The following DNAJC11 variants were observed in gnomAD, a reference collection of about 807,000 sequenced individuals.
DNAJC11 encodes the protein DnaJ heat shock protein family (Hsp40) member C11, also known as dnaJ homolog subfamily C member 11.
DNAJC11 carries 15 observed loss-of-function variants against 78.6 expected under a neutral mutation model. The observed-to-expected ratio is 0.19, with a 90% CI of 0.13 to 0.29. The LOEUF (loss-of-function observed/expected upper bound fraction) is 0.29. DNAJC11 is among the 10% of genes least tolerant of loss of function. DNAJC11 has a pLI of 1.00. For synonymous variants in DNAJC11, 292 were observed against 272.1 expected (o/e 1.07, Z -0.72); for missense variants, 547 against 709.6 (o/e 0.77, Z 2.60).
chr1:6,673,195 CAAAAAAAAAA>C (rs70981399), intron 3 of DNAJC11, among the ~76,000 whole-genome samples: 2 of 39,292 alleles, frequency 5.1e-5, no homozygotes, highest in Non-Finnish European at 8.2e-5. Context: ...AACTCCATCT[CAAAAAAAAAA>C]AAAAAAAAAA....
intron 1 of DNAJC11, among the ~76,000 whole-genome samples, chr1:6,693,303 C>A (rs1642777034): frequency 6.6e-6 from 1 of 152,150 alleles, no homozygotes; most frequent in Non-Finnish European, 1.5e-5. Flanking sequence ...TCATCCTTAG[C>A]CAGGATGAAG....
chr1:6,662,127 T>TG (rs1160309572), intron 4 of DNAJC11, among the ~76,000 whole-genome samples: 1 of 131,866 alleles, frequency 7.6e-6, no homozygotes, highest in Non-Finnish European at 1.6e-5. Flanking sequence ...AATTGTTTTT[T>TG]GTTTTTTGTT....
intron 10 of DNAJC11, 32 bp downstream of exon 10, chr1:6,644,526 T>TC: frequency 1.4e-6 from 2 of 1,466,396 alleles, no homozygotes; most frequent in South Asian, 2.3e-5. Flanking sequence ...TGACAGGCAT[T>TC]CCTTGACCCG....
At position 6,651,386 on chromosome 1, in the gene DNAJC11, GT is replaced by G. The variant is rs569394417; in HGVS notation, c.704+142del. 15 of 733,878 alleles carry G rather than the reference GT, an allele frequency of 2.0e-5. No homozygotes were observed. In the South Asian group the frequency reaches 2.5e-4, roughly 12 times the overall value. 45.5% of individuals were successfully genotyped at this position (733,878 alleles called of 1,614,324 possible). On this transcript the variant is annotated intron_variant, in intron 7 of 15. Coordinates refer to ENST00000377577, the MANE Select transcript of DNAJC11 (RefSeq NM_018198.4). Reference sequence around the variant, plus strand: ...TGCACACTGCCTGGGCTTCACGCCAGTGCTATACCTGCCCTTGATGTACGCA... The same window carrying G: ...TGCACACTGCCTGGGCTTCACGCCAGGCTATACCTGCCCTTGATGTACGCA...
intron 9 of DNAJC11, 81 bp downstream of exon 9, chr1:6,644,960 G>C: frequency 1.5e-6 from 2 of 1,307,904 alleles, no homozygotes; most frequent in East Asian, 4.7e-5. Context: ...CACGAGCAAG[G>C]TGTCTTACAC....
At chr1:6,685,321 T>C (rs990016074) in intron 1 of DNAJC11, among the ~76,000 whole-genome samples, 3 of 152,232 alleles carry the variant, frequency 2.0e-5, no homozygotes, top group African/African-American at 7.2e-5. Flanking sequence ...ATTTTTCTAA[T>C]AACACGAAGC....
chr1:6,656,211 G>A (rs1472626513), intron 4 of DNAJC11, among the ~76,000 whole-genome samples: 2 of 151,306 alleles, frequency 1.3e-5, no homozygotes, highest in African/African-American at 4.9e-5. Context: ...ATAAATAAGA[G>A]TTTATGAGAT....
chr1:6,653,924 G>T lies in DNAJC11; in HGVS notation c.494C>A (p.Ser165Tyr), dbSNP rs749911824. The change falls in exon 5 of 16, where the codon TCC (serine) becomes TAC (tyrosine). Residue 165 changes from serine (S) to tyrosine (Y), a missense_variant. By Grantham distance (144) the Ser-to-Tyr change is moderately radical. Coordinates refer to ENST00000377577, the MANE Select transcript of DNAJC11 (RefSeq NM_018198.4). The surrounding 1 kb of genome is among the most constrained non-coding windows in gnomAD (Gnocchi z 4.5). ...PQIEINKMHI[S>Y]QSIEAPLTAT... The stretch of plus-strand genomic sequence containing the variant: ...TGTGTGCTTTACCTCAATGGACTGG[G>T]ATATGTGCATTTTATTAATTTCAAT... 1 of 1,612,664 alleles carries T rather than the reference G, an allele frequency of 6.2e-7. No homozygotes were observed. The highest frequency in any genetic ancestry group is 8.5e-7 in the Non-Finnish European group (1 of 1,178,926).
chr1:6,650,485 G>C (rs1245254209), intron 7 of DNAJC11, among the ~76,000 whole-genome samples: 1 of 152,130 alleles, frequency 6.6e-6, no homozygotes. Context: ...AGGACTGCTT[G>C]ACCCCAGGAG....
At chr1:6,670,416 G>GCA (rs915820785) in intron 3 of DNAJC11, 4 of 151,736 alleles carry the variant, frequency 2.6e-5, no homozygotes, top group African/African-American at 9.7e-5. Context: ...ATATGCACGT[G>GCA]CACACACACA....
chr1:6,667,905 T>A (rs912386241), intron 3 of DNAJC11, 95 bp from the exon 4 acceptor site: 1 of 1,194,522 alleles, frequency 8.4e-7, no homozygotes, highest in Non-Finnish European at 1.2e-6. Context: ...GGTGTGTGCA[T>A]GCTGCCTGGG....
chr1:6,670,148 C>T (rs1040706875), intron 3 of DNAJC11, among the ~76,000 whole-genome samples: 13 of 151,734 alleles, frequency 8.6e-5, no homozygotes, highest in Non-Finnish European at 1.8e-4. Flanking sequence ...TTAGTAGAGA[C>T]GGGGTTTCAC....
intron 10 of DNAJC11, among the ~76,000 whole-genome samples, chr1:6,643,594 G>A (rs1641918870): frequency 6.6e-6 from 1 of 152,076 alleles, no homozygotes; most frequent in African/African-American, 2.4e-5. Context: ...CAACTCTTTT[G>A]AGGAACTAAG....
Position 6,634,183 on chromosome 1 carries a change from G to C in DNAJC11, c.*1492C>G. On this transcript the variant is annotated 3_prime_UTR_variant, in exon 16 of 16. Transcript: ENST00000377577. ...AGCGCCAGCCTCTGCTTTCAGGAAAGGTTTATTGTGGTGAGTGCCTTCTGT... is the reference window on the plus strand; with the variant it reads ...AGCGCCAGCCTCTGCTTTCAGGAAACGTTTATTGTGGTGAGTGCCTTCTGT... 4.2e-6 allele frequency: 5 copies of C among 1,195,282 alleles called. No homozygotes were observed. The highest frequency in any genetic ancestry group is 6.1e-6 in the Non-Finnish European group (5 of 823,176). The allele number at this position is 1,195,282 out of a possible 1,614,324, so 74.0% of individuals were successfully genotyped here.
intron 4 of DNAJC11, among the ~76,000 whole-genome samples, chr1:6,665,266 G>T (rs1156365430): frequency 6.6e-6 from 1 of 152,114 alleles, no homozygotes; most frequent in Non-Finnish European, 1.5e-5. Flanking sequence ...TGGGGGTCTT[G>T]TTATATTGCA....
intron 10 of DNAJC11, among the ~76,000 whole-genome samples, chr1:6,643,570 C>T (rs550621742): frequency 1.1e-3 from 173 of 152,212 alleles, no homozygotes; most frequent in African/African-American, 3.7e-3. Context: ...CCACAGTGCC[C>T]GGCCAAAACC....
intron 1 of DNAJC11, among the ~76,000 whole-genome samples, chr1:6,682,743 C>T (rs377204164): frequency 4.6e-5 from 7 of 152,202 alleles, no homozygotes; most frequent in African/African-American, 1.7e-4. Flanking sequence ...GACTGGGTAA[C>T]ATGGCGAAAC....
At position 6,650,994 on chromosome 1, in the gene DNAJC11, C is replaced by T. The variant is rs1351900860; in HGVS notation, c.704+535G>A. 7.8e-6 allele frequency: 4 copies of T among 513,522 alleles called. No homozygotes were observed. The Admixed American group carries it at 8.0e-5, about 10-fold the overall frequency. 31.8% of individuals were successfully genotyped at this position (513,522 alleles called of 1,614,324 possible). A position where few individuals can be genotyped will look rare whatever the true frequency, so the allele number is the denominator to read the frequency against. ...CTCCACCAATTCTTTTATCTGAGCTCACACAGACATCACTGCACCCACCAT... is the reference window on the plus strand; with the variant it reads ...CTCCACCAATTCTTTTATCTGAGCTTACACAGACATCACTGCACCCACCAT... On this transcript the variant is annotated intron_variant, in intron 7 of 15. Coordinates refer to ENST00000377577, the MANE Select transcript of DNAJC11 (RefSeq NM_018198.4).
intron 4 of DNAJC11, among the ~76,000 whole-genome samples, chr1:6,656,945 T>C (rs1420806496): frequency 6.6e-6 from 1 of 151,834 alleles, no homozygotes; most frequent in Non-Finnish European, 1.5e-5. Flanking sequence ...TAAATATAAA[T>C]GCAACTTTCA....
Sources: gnomAD v4.1 joint callset for allele counts (sites outside exome capture counted in the v4.1 genomes callset) on GRCh38, gnomAD v4.1.1 for gene constraint, Gnocchi (gnomAD v3.1) non-coding constraint, MANE v1.5 for transcripts, NCBI Gene and HGNC (gene_info 2026-07-23, HGNC 2026-07-21) for gene names.